Variants in SEMA5A observed in about 807,000 individuals in gnomAD.
The protein encoded by SEMA5A is semaphorin 5A, also known as semaphorin-5A.
In SEMA5A, 55 loss-of-function variants were observed where a neutral mutation model predicts 135.5. The ratio of observed to expected loss-of-function variants is 0.41; its 90% confidence interval spans 0.33 to 0.51. The LOEUF is 0.51. Ranked by LOEUF, SEMA5A falls within the 20% of genes least tolerant of loss-of-function variation. SEMA5A has a pLI of 0.37. For missense variants in SEMA5A, 1,290 were observed against 1,419.9 expected, an observed-to-expected ratio of 0.91 and a Z score of 1.47; for synonymous variants, 580 against 546.5, an observed-to-expected ratio of 1.06 and a Z score of -0.85.
intron 16 of SEMA5A, among the ~76,000 whole-genome samples, chr5:9,077,380 A>T (rs1399926512): frequency 6.6e-6 from 1 of 152,222 alleles, no homozygotes; most frequent in Non-Finnish European, 1.5e-5. Context: ...AATGATTTAG[A>T]TATTTTAGAT....
At chr5:9,389,282 C>A (rs1411994717) in intron 2 of SEMA5A, among the ~76,000 whole-genome samples, 2 of 152,186 alleles carry the variant, frequency 1.3e-5, no homozygotes, top group Non-Finnish European at 2.9e-5. Flanking sequence ...TCTACACGTT[C>A]TCAGAGGCCC....
At chr5:9,188,620 G>T (rs1451257092) in intron 11 of SEMA5A, among the ~76,000 whole-genome samples, 1 of 152,084 alleles carries the variant, frequency 6.6e-6, no homozygotes, top group Admixed American at 6.5e-5. Context: ...GGAAGAAGAT[G>T]GCCCTATTCT....
intron 13 of SEMA5A, 24 bp from the exon 14 acceptor site, chr5:9,122,861 G>A (rs1193027831): frequency 6.4e-7 from 1 of 1,567,958 alleles, no homozygotes; most frequent in Admixed American, 1.8e-5. Flanking sequence ...CCAAGCAGAG[G>A]TGTCAGAAAA....
Position 9,442,624 on chromosome 5 carries a change from G to C in SEMA5A, c.-174-4772C>G, listed in dbSNP as rs148832447. ...CAGGGGGCCCCACATGACTAAGTGTGCAGCTTCAGCCCTAAACATCAACAT... is the reference window on the plus strand; with the variant it reads ...CAGGGGGCCCCACATGACTAAGTGTCCAGCTTCAGCCCTAAACATCAACAT... On this transcript the variant is annotated intron_variant, in intron 1 of 22. Coordinates refer to ENST00000382496, the MANE Select transcript of SEMA5A (RefSeq NM_003966.3). Among the ~76,000 whole-genome samples, 1,048 of 152,270 alleles carry C rather than the reference G, an allele frequency of 6.9e-3. 51 individuals are homozygous for C. The highest frequency in any genetic ancestry group is 0.065 in the Admixed American group (994 of 15,304).
At chr5:9,152,652 A>C (rs1322977920) in intron 12 of SEMA5A, among the ~76,000 whole-genome samples, 1 of 152,236 alleles carries the variant, frequency 6.6e-6, no homozygotes, top group Non-Finnish European at 1.5e-5. Flanking sequence ...TCCACCTAAG[A>C]ATACTCACTT....
chr5:9,430,382 T>C (rs994739655), intron 2 of SEMA5A, among the ~76,000 whole-genome samples: 1 of 152,212 alleles, frequency 6.6e-6, no homozygotes, highest in Non-Finnish European at 1.5e-5. Flanking sequence ...AGGTTTTGGC[T>C]GAAGATAGAC....
chr5:9,503,385 A>G (rs1735694689), intron 1 of SEMA5A, among the ~76,000 whole-genome samples: 1 of 152,144 alleles, frequency 6.6e-6, no homozygotes, highest in African/African-American at 2.4e-5. Context: ...TTGCTGGGGA[A>G]AGCCTGTCTG....
intron 1 of SEMA5A, among the ~76,000 whole-genome samples, chr5:9,513,794 T>C (rs55667459): frequency 0.062 from 9,422 of 152,272 alleles, 363 homozygotes; most frequent in South Asian, 0.11. Flanking sequence ...TCATACAGGC[T>C]CATTATACAT....
At chr5:9,043,733 C>A (rs905974781) in intron 22 of SEMA5A, among the ~76,000 whole-genome samples, 1 of 152,204 alleles carries the variant, frequency 6.6e-6, no homozygotes, top group Non-Finnish European at 1.5e-5. Flanking sequence ...GCTGTCCGTA[C>A]CTTCAACGTC....
rs149230281 is a variant in SEMA5A, at chr5:9,228,710, G to A, written c.334-1743C>T. The stretch of plus-strand genomic sequence containing the variant: ...TAGACCAAGGTAGTAGGTGTGAAAG[G>A]ACAAAGCCAGAATAGTGAGTCAATT... On this transcript the variant is annotated intron_variant, in intron 6 of 22. Coordinates refer to ENST00000382496, the MANE Select transcript of SEMA5A (RefSeq NM_003966.3). Among the ~76,000 whole-genome samples the A allele has an allele frequency of 2.4e-3, 362 of 152,352 alleles. 4 individuals carry two copies. The highest frequency in any genetic ancestry group is 8.4e-3 in the African/African-American group (351 of 41,584).
chr5:9,145,802 CT>C (rs397935817), intron 12 of SEMA5A, among the ~76,000 whole-genome samples: 10,542 of 138,852 alleles, frequency 0.076, 398 homozygotes, highest in South Asian at 0.15. Flanking sequence ...CCACATCCAG[CT>C]TTTTTTTTTT....
intron 5 of SEMA5A, among the ~76,000 whole-genome samples, chr5:9,314,734 T>C (rs1258112732): frequency 6.6e-6 from 1 of 151,996 alleles, no homozygotes; most frequent in Non-Finnish European, 1.5e-5. Flanking sequence ...GCCAGCCTTC[T>C]CTCTCCAGAC....
At chr5:9,229,219 C>A (rs1034643596) in intron 6 of SEMA5A, among the ~76,000 whole-genome samples, 46 of 152,182 alleles carry the variant, frequency 3.0e-4, no homozygotes, top group Admixed American at 2.9e-3. Context: ...CCACAAAGAC[C>A]TAAGTAGACT....
At chr5:9,456,246 C>T (rs1758829800) in intron 1 of SEMA5A, among the ~76,000 whole-genome samples, 1 of 152,190 alleles carries the variant, frequency 6.6e-6, no homozygotes, top group African/African-American at 2.4e-5. Context: ...CCTGGCCATG[C>T]CAAGGAGGAA....
At chr5:9,409,799 G>A (rs1757035740) in intron 2 of SEMA5A, among the ~76,000 whole-genome samples, 1 of 149,474 alleles carries the variant, frequency 6.7e-6, no homozygotes, top group Non-Finnish European at 1.5e-5. Context: ...GGTGCTTTCT[G>A]GTGATCATTC....
intron 18 of SEMA5A, among the ~76,000 whole-genome samples, chr5:9,055,904 A>G (rs1346218185): frequency 6.6e-6 from 1 of 151,492 alleles, no homozygotes; most frequent in Non-Finnish European, 1.5e-5. Flanking sequence ...GCTCTCTCCC[A>G]TATCTATTCT....
At position 9,391,630 on chromosome 5, in the gene SEMA5A, A is replaced by T. The variant is rs541440580; in HGVS notation, c.-77-11607T>A. ...CCGTCACTACTTCCTCAAAAAATGTATACCGCACCCCTGTCCCCTTCTCTC... is the reference window on the plus strand; with the variant it reads ...CCGTCACTACTTCCTCAAAAAATGTTTACCGCACCCCTGTCCCCTTCTCTC... On this transcript the variant is annotated intron_variant, in intron 2 of 22. Coordinates refer to ENST00000382496, the MANE Select transcript of SEMA5A (RefSeq NM_003966.3). 1.1e-4 allele frequency among the ~76,000 whole-genome samples: 16 copies of T among 152,220 alleles called. No homozygotes were observed. The South Asian group carries it at 3.3e-3, about 32-fold the overall frequency.
chr5:9,315,862 T>C (rs1479538415), intron 5 of SEMA5A, among the ~76,000 whole-genome samples: 2 of 152,184 alleles, frequency 1.3e-5, no homozygotes, highest in African/African-American at 4.8e-5. Flanking sequence ...AGTTTTCCTG[T>C]TGTAATTAAT....
At chr5:9,054,996 G>C (rs1736810688) in intron 18 of SEMA5A, among the ~76,000 whole-genome samples, 1 of 152,128 alleles carries the variant, frequency 6.6e-6, no homozygotes, top group African/African-American at 2.4e-5. Flanking sequence ...TTCCATGACA[G>C]CTCACAACCC....
Sources: allele counts gnomAD v4.1 joint callset (sites outside exome capture counted in the v4.1 genomes callset), GRCh38; gene constraint gnomAD v4.1.1; transcripts MANE v1.5; gene names NCBI Gene and HGNC (gene_info 2026-07-23, HGNC 2026-07-21).